The following ACSF3 variants were observed in gnomAD, a reference collection of about 807,000 sequenced individuals.
ACSF3 encodes malonate--CoA ligase ACSF3, mitochondrial.
Under a neutral mutation model 53.2 loss-of-function variants are expected in ACSF3, and 78 were observed. The observed-to-expected ratio is 1.47, with a 90% CI of 1.22 to 1.77. ACSF3 has a LOEUF of 1.77. Among genes scored for constraint, ACSF3 ranks in the 40% most tolerant of loss-of-function variants. ACSF3 has a pLI of 0.00. For missense variants in ACSF3, 937 were observed against 771.1 expected, an observed-to-expected ratio of 1.22 and a Z score of -2.55; for synonymous variants, 414 against 333.1, an observed-to-expected ratio of 1.24 and a Z score of -2.65.
chr16:89,114,086 T>C (rs1039705862), intron 5 of ACSF3: 2 of 555,860 alleles, frequency 3.6e-6, no homozygotes, highest in Non-Finnish European at 6.6e-6. Flanking sequence ...TCATTAGCTG[T>C]TGGACCTGCT....
intron 8 of ACSF3, among the ~76,000 whole-genome samples, chr16:89,139,132 G>A (rs1452655237): frequency 2.6e-5 from 4 of 152,200 alleles, no homozygotes; most frequent in South Asian, 4.1e-4. Context: ...CTATGGAGTC[G>A]CCGCTGAGAA....
rs1365053615 is a variant in ACSF3, at chr16:89,098,731, CCCCTTACCTCCTCT to C, written c.-51_-38del. 2 of 454,162 alleles carry C rather than the reference CCCCTTACCTCCTCT, an allele frequency of 4.4e-6. No homozygotes were observed. Among genetic ancestry groups the C allele is most frequent in the Admixed American group, 4.7e-5 (2 of 42,580 alleles). The allele number at this position is 454,162 out of a possible 1,614,324, so 28.1% of individuals were successfully genotyped here. A position where few individuals can be genotyped will look rare whatever the true frequency, so the allele number is the denominator to read the frequency against. On this transcript the variant is annotated 5_prime_UTR_variant, in exon 2 of 11. Coordinates refer to ENST00000614302, the MANE Select transcript of ACSF3 (RefSeq NM_001243279.3). ...TGCCGCTCTTGTGAACTGCGAACTT[CCCCTTACCTCCTCT>C]CTCTGGCTCGGGAGCTGGGTGAGTT...
intron 7 of ACSF3, among the ~76,000 whole-genome samples, chr16:89,127,081 T>G (rs542080260): frequency 2.0e-4 from 30 of 152,144 alleles, no homozygotes; most frequent in Non-Finnish European, 3.7e-4. Context: ...TTGGTCCTGG[T>G]GGGTCATTTT....
intron 7 of ACSF3, among the ~76,000 whole-genome samples, chr16:89,123,888 G>C (rs573847604): frequency 6.6e-6 from 1 of 152,290 alleles, no homozygotes; most frequent in Admixed American, 6.5e-5. Flanking sequence ...CTCACATCCT[G>C]TGACATATCA....
At chr16:89,140,533 ATTTGGGAGCAAAAGTCCGACAGGCTGGG>A (rs1194795671) in intron 8 of ACSF3, among the ~76,000 whole-genome samples, 2 of 152,138 alleles carry the variant, frequency 1.3e-5, no homozygotes, top group Non-Finnish European at 2.9e-5. Context: ...CATCAGTGCC[ATTTGGGAGCAAAAGTCCGACAGGCTGGG>A]TCTGGGCCTC....
At position 89,145,409 on chromosome 16, in the gene ACSF3, G is replaced by T. The variant is rs772946771; in HGVS notation, c.1501+8G>T. 1 of 1,613,962 alleles carries T rather than the reference G, an allele frequency of 6.2e-7. No individual in the cohort carries two copies. Among genetic ancestry groups the T allele is most frequent in the Non-Finnish European group, 8.5e-7 (1 of 1,179,998 alleles). On this transcript the variant is annotated splice_region_variant and intron_variant, in intron 9 of 10. Coordinates refer to ENST00000614302, the MANE Select transcript of ACSF3 (RefSeq NM_001243279.3). ...CCCACCCCAGCATCACAGGTGCGTG[G>T]CCGGACTTGGGCCAGGGAGGCCAGG...
chr16:89,107,465 C>T (rs1204653142), intron 4 of ACSF3, among the ~76,000 whole-genome samples: 1 of 152,214 alleles, frequency 6.6e-6, no homozygotes, highest in Non-Finnish European at 1.5e-5. Context: ...TCCTGCTACA[C>T]GCGTGCTCCG....
intron 4 of ACSF3, among the ~76,000 whole-genome samples, chr16:89,106,433 C>T (rs1179631464): frequency 1.3e-5 from 2 of 152,180 alleles, no homozygotes; most frequent in East Asian, 3.9e-4. Flanking sequence ...GCTGGGATTA[C>T]AGGCACCTGC....
At chr16:89,136,455 A>T in intron 8 of ACSF3, 1 of 1,156,430 alleles carries the variant, frequency 8.6e-7, no homozygotes. Context: ...GCATAATGAG[A>T]GCCTGCAATC....
chr16:89,101,147 C>G lies in ACSF3; in HGVS notation c.466C>G (p.Leu156Val), dbSNP rs1975269605. ...TGCCAGCCAGGAGTACCTGGAGCTC[C>G]TGAGCCCGGTGGTCAGGAAGCTGGG... ...VLASQEYLEL[L>V]SPVVRKLGVP... Residue 156 changes from leucine (L) to valine (V), a missense_variant, in exon 3 of 11, where the codon CTG becomes GTG. Coordinates refer to ENST00000614302, the MANE Select transcript of ACSF3 (RefSeq NM_001243279.3). 6.2e-7 allele frequency: 1 copy of G among 1,613,846 alleles called. No individual in the cohort carries two copies. The highest frequency in any genetic ancestry group is 8.5e-7 in the Non-Finnish European group (1 of 1,179,944).
intron 7 of ACSF3, chr16:89,122,309 G>C: frequency 2.8e-6 from 1 of 354,762 alleles, no homozygotes; most frequent in Non-Finnish European, 5.8e-6. Context: ...GAGCCATGGG[G>C]CAACTTGCTG....
At chr16:89,134,692 A>G (rs1039786821) in intron 8 of ACSF3, among the ~76,000 whole-genome samples, 10 of 152,158 alleles carry the variant, frequency 6.6e-5, no homozygotes, top group Non-Finnish European at 1.5e-4. Flanking sequence ...CTCTGAGGAG[A>G]TAGATGATTG....
At position 89,148,946 on chromosome 16, in the gene ACSF3, G is replaced by T. The variant is rs1913608392; in HGVS notation, c.1613+2897G>T. The T allele has an allele frequency of 2.6e-5, 4 of 152,212 alleles. 1 individual carries two copies. In the South Asian group the frequency reaches 8.3e-4, roughly 32 times the overall value. The allele number at this position is 152,212 out of a possible 1,614,324, so 9.4% of individuals were successfully genotyped here. A position where few individuals can be genotyped will look rare whatever the true frequency, so the allele number is the denominator to read the frequency against. ...CTCTTTACTTACGCACATTTCTGCA[G>T]CCAGCTTGAATTCCTCCCCAGAAAA... On this transcript the variant is annotated intron_variant, in intron 10 of 10. Coordinates refer to ENST00000614302, the MANE Select transcript of ACSF3 (RefSeq NM_001243279.3).
chr16:89,118,937 G>A (rs1333604639), intron 6 of ACSF3, among the ~76,000 whole-genome samples: 2 of 152,330 alleles, frequency 1.3e-5, no homozygotes, highest in South Asian at 2.1e-4. Flanking sequence ...ACTCTCTTGA[G>A]CTCTCATGTC....
intron 7 of ACSF3, among the ~76,000 whole-genome samples, chr16:89,124,152 G>T (rs1907403381): frequency 1.3e-5 from 2 of 151,350 alleles, no homozygotes; most frequent in Non-Finnish European, 1.5e-5. Flanking sequence ...GTCCACACAA[G>T]TATCACACAC....
chr16:89,098,205 G>A (rs974692241), intron 1 of ACSF3, among the ~76,000 whole-genome samples: 3 of 152,274 alleles, frequency 2.0e-5, no homozygotes, highest in African/African-American at 7.2e-5. Flanking sequence ...TCATTGTCAT[G>A]AAGTTTGTTT....
intron 8 of ACSF3, chr16:89,141,062 C>T (rs901757469): frequency 1.6e-6 from 2 of 1,267,956 alleles, no homozygotes; most frequent in Admixed American, 2.4e-5. Flanking sequence ...ACTTGCATTT[C>T]ACAGTGATCG....
chr16:89,141,575 C>T (rs1043815719), intron 8 of ACSF3, among the ~76,000 whole-genome samples: 23 of 137,336 alleles, frequency 1.7e-4, no homozygotes, highest in African/African-American at 3.9e-4. Context: ...ATGCCAGGAA[C>T]GTCCAGGCCA....
intron 7 of ACSF3, among the ~76,000 whole-genome samples, chr16:89,125,899 T>G (rs899267974): frequency 2.6e-5 from 4 of 152,208 alleles, no homozygotes; most frequent in Non-Finnish European, 4.4e-5. Flanking sequence ...TCCGTTTACT[T>G]AGATCCGTGA....
Sources: gnomAD v4.1 joint callset for allele counts (sites outside exome capture counted in the v4.1 genomes callset) on GRCh38, gnomAD v4.1.1 for gene constraint, MANE v1.5 for transcripts, NCBI Gene and HGNC (gene_info 2026-07-23, HGNC 2026-07-21) for gene names.